Variants in RSRC2 observed in about 807,000 individuals in gnomAD.
RSRC2 encodes arginine and serine rich coiled-coil 2.
A neutral mutation model predicts 61.3 loss-of-function variants in RSRC2; 5 were observed. The observed-to-expected ratio is 0.08, with a 90% CI of 0.04 to 0.17. RSRC2 has a LOEUF of 0.17. Among genes scored for constraint, RSRC2 ranks in the 10% least tolerant of loss-of-function variants. RSRC2 has a pLI of 1.00. For missense variants in RSRC2, 381 were observed against 518.8 expected (o/e 0.73, Z 2.58); for synonymous variants, 202 against 166.5 (o/e 1.21, Z -1.64).
At chr12:122,518,112 C>T (rs1314811041) in intron 4 of RSRC2, among the ~76,000 whole-genome samples, 1 of 152,076 alleles carries the variant, frequency 6.6e-6, no homozygotes, top group East Asian at 1.9e-4. Context: ...GCCTGCACAA[C>T]ATGGCCAAAA....
At chr12:122,511,244 ATATC>A (rs1187954409) in intron 6 of RSRC2, 56 bp from the exon 7 acceptor site, 2 of 1,291,868 alleles carry the variant, frequency 1.5e-6, no homozygotes, top group African/African-American at 1.5e-5. Flanking sequence ...CATTATGTAT[ATATC>A]TCTCTATATG....
chr12:122,515,348 A>C, intron 5 of RSRC2, 121 bp from the exon 6 acceptor site: 1 of 924,370 alleles, frequency 1.1e-6, no homozygotes, highest in Non-Finnish European at 1.6e-6. Context: ...TTGAGATGCA[A>C]AAGATTTAAA....
chr12:122,524,441 T>C lies in RSRC2; in HGVS notation c.7-2142A>G, dbSNP rs1204201819. On this transcript the variant is annotated intron_variant, in intron 1 of 9. Transcript: ENST00000331738. Reference sequence around the variant, plus strand: ...ACTAGTGGCAAATCCCATTTACTTTTGCAGAGAACAAGACTAGAATCGAAA... The same window carrying C: ...ACTAGTGGCAAATCCCATTTACTTTCGCAGAGAACAAGACTAGAATCGAAA... 7.2e-5 allele frequency among the ~76,000 whole-genome samples: 11 copies of C among 152,324 alleles called. No homozygotes were observed. In the East Asian group the frequency reaches 2.1e-3, roughly 29 times the overall value.
intron 7 of RSRC2, among the ~76,000 whole-genome samples, chr12:122,510,600 A>G (rs755326895): frequency 3.9e-5 from 6 of 152,198 alleles, no homozygotes; most frequent in Non-Finnish European, 8.8e-5. Context: ...TTATCAACAA[A>G]AATTATCCAC....
intron 7 of RSRC2, 71 bp from the exon 8 acceptor site, chr12:122,508,518 G>A (rs752216103): frequency 6.3e-5 from 76 of 1,204,824 alleles, no homozygotes; most frequent in East Asian, 1.8e-4. Flanking sequence ...TTACATTAAC[G>A]AACGATTTAT....
chr12:122,503,680 C>A lies in RSRC2; in HGVS notation c.*1847G>T, dbSNP rs1408453255. 1 of 152,182 alleles carries A rather than the reference C, an allele frequency of 6.6e-6. No individual in the cohort carries two copies. The highest frequency in any genetic ancestry group is 1.9e-4 in the East Asian group (1 of 5,198). 9.4% of individuals were successfully genotyped at this position (152,182 alleles called of 1,614,324 possible). On this transcript the variant is annotated 3_prime_UTR_variant, in exon 10 of 10. Coordinates refer to ENST00000331738, the MANE Select transcript of RSRC2 (RefSeq NM_023012.6). ...TCACGAAATGAAGGATCCATAGTGT[C>A]ATTTCCTTAGAAGGCTTAGATTTGT...
intron 7 of RSRC2, among the ~76,000 whole-genome samples, chr12:122,509,187 G>A (rs1958315538): frequency 6.6e-6 from 1 of 151,816 alleles, no homozygotes; most frequent in African/African-American, 2.4e-5. Context: ...AGTGGCTCAC[G>A]TCTGTAATCC....
chr12:122,517,258 T>C lies in RSRC2; in HGVS notation c.571A>G (p.Arg191Gly), dbSNP rs1199387226. Reference sequence around the variant, plus strand: ...CTACTCCTTGTCCTACTCCTGCTTCTAGTCCTATGCCTGTGTCTTGATCTT... The same window carrying C: ...CTACTCCTTGTCCTACTCCTGCTTCCAGTCCTATGCCTGTGTCTTGATCTT... ...RSRSRHRHRTRSRSRTRSRSR... is the reference protein window; with the variant it reads ...RSRSRHRHRTGSRSRTRSRSR... Residue 191 changes from arginine (R) to glycine (G), a missense_variant, in exon 5 of 10, where the codon AGA (arginine) becomes GGA (glycine). Physicochemically the swap from Arg to Gly is moderately radical, Grantham distance 125. Transcript: ENST00000331738. 3 of 1,614,076 alleles carry C rather than the reference T, an allele frequency of 1.9e-6. No homozygotes were observed. Among genetic ancestry groups the C allele is most frequent in the East Asian group, 2.2e-5 (1 of 44,898 alleles).
At position 122,514,682 on chromosome 12, in the gene RSRC2, AAAT is replaced by A. The variant is rs549890042; in HGVS notation, c.725+420_725+422del. 162 of 1,153,142 alleles carry A rather than the reference AAAT, an allele frequency of 1.4e-4. No individual in the cohort carries two copies. The African/African-American group carries it at 1.7e-3, about 12-fold the overall frequency. The allele number at this position is 1,153,142 out of a possible 1,614,324, so 71.4% of individuals were successfully genotyped here. On this transcript the variant is annotated intron_variant, in intron 6 of 9. Transcript: ENST00000331738. ...TATTATCTGTTAATTGCCATCTTCA[AAAT>A]AATAATATTGACAAAATTTTACTTA...
At chr12:122,512,561 C>T (rs1283048912) in intron 6 of RSRC2, among the ~76,000 whole-genome samples, 1 of 151,860 alleles carries the variant, frequency 6.6e-6, no homozygotes, top group Non-Finnish European at 1.5e-5. Context: ...TGAAATCCCG[C>T]ATCTACTAAA....
In RSRC2 at chr12:122,526,423, C is replaced by G. The variant is rs1344281613; in HGVS notation, c.6+425G>C. On this transcript the variant is annotated intron_variant, in intron 1 of 9. Transcript: ENST00000331738. ...AGTCGCTCTCTTCTCCCACACTACC[C>G]TTTACAGACACTGCCTTTTTGACCC... 14 of 206,536 alleles carry G rather than the reference C, an allele frequency of 6.8e-5. No individual in the cohort carries two copies. The Admixed American group carries it at 8.0e-4, about 12-fold the overall frequency. The allele number at this position is 206,536 out of a possible 1,614,324, so 12.8% of individuals were successfully genotyped here. A position where few individuals can be genotyped will look rare whatever the true frequency, so the allele number is the denominator to read the frequency against.
At chr12:122,516,381 C>G (rs1205189229) in intron 5 of RSRC2, among the ~76,000 whole-genome samples, 1 of 152,186 alleles carries the variant, frequency 6.6e-6, no homozygotes, top group African/African-American at 2.4e-5. Context: ...AAATTGTGTT[C>G]ATTTACAAAC....
At position 122,505,409 on chromosome 12, in the gene RSRC2, A is replaced by G. The variant is rs780296834; in HGVS notation, c.*118T>C. 1 of 915,854 alleles carries G rather than the reference A, an allele frequency of 1.1e-6. No individual in the cohort carries two copies. The highest frequency in any genetic ancestry group is 1.7e-5 in the African/African-American group (1 of 59,766). 56.7% of individuals were successfully genotyped at this position (915,854 alleles called of 1,614,324 possible). ...ATATTTACAAAAATTTGTATTTTTC[A>G]ATAAATTAAAGTCAATGCAACACCC... On this transcript the variant is annotated 3_prime_UTR_variant, in exon 10 of 10. Transcript: ENST00000331738.
At chr12:122,521,552 T>C (rs935101286) in intron 2 of RSRC2, 124 bp from the exon 3 acceptor site, 2 of 754,338 alleles carry the variant, frequency 2.7e-6, no homozygotes, top group Non-Finnish European at 4.6e-6. Context: ...AATTTTTTCA[T>C]GGCACGGGTG....
intron 1 of RSRC2, among the ~76,000 whole-genome samples, chr12:122,525,000 T>C (rs1042675181): frequency 8.5e-5 from 13 of 152,184 alleles, no homozygotes; most frequent in African/African-American, 2.9e-4. Flanking sequence ...CTGGATTGAA[T>C]ACTAGGTCAC....
Position 122,509,702 on chromosome 12 carries a change from T to C in RSRC2, c.806-1255A>G, listed in dbSNP as rs186515056. ...TGATGTAGTAAAAATAAAATGGCTATTTGTAAACTTTTAGAGTTTCAAATA... is the reference window on the plus strand; with the variant it reads ...TGATGTAGTAAAAATAAAATGGCTACTTGTAAACTTTTAGAGTTTCAAATA... On this transcript the variant is annotated intron_variant, in intron 7 of 9. Transcript: ENST00000331738. Among the ~76,000 whole-genome samples the C allele has an allele frequency of 4.6e-3, 700 of 152,308 alleles. 7 individuals are homozygous for C. Among genetic ancestry groups the C allele is most frequent in the Non-Finnish European group, 7.6e-3 (514 of 68,024 alleles).
At chr12:122,516,493 G>A (rs1012761633) in intron 5 of RSRC2, among the ~76,000 whole-genome samples, 3 of 152,160 alleles carry the variant, frequency 2.0e-5, no homozygotes, top group African/African-American at 7.2e-5. Context: ...ACTTAATAAT[G>A]ATACTGTTTT....
intron 5 of RSRC2, 120 bp from the exon 6 acceptor site, chr12:122,515,347 A>G: frequency 1.1e-6 from 1 of 921,418 alleles, no homozygotes; most frequent in Non-Finnish European, 1.6e-6. Context: ...TTTGAGATGC[A>G]AAAGATTTAA....
chr12:122,517,116 A>G (rs1958994818), intron 5 of RSRC2, 111 bp downstream of exon 5: 4 of 1,483,076 alleles, frequency 2.7e-6, no homozygotes, highest in East Asian at 2.3e-5. Flanking sequence ...TAATTTTACC[A>G]TAATCTATAA....
Sources: gnomAD v4.1 joint callset for allele counts (sites outside exome capture counted in the v4.1 genomes callset) on GRCh38, gnomAD v4.1.1 for gene constraint, MANE v1.5 for transcripts, NCBI Gene and HGNC (gene_info 2026-07-23, HGNC 2026-07-21) for gene names.